Variants in PARD3 observed in about 807,000 individuals in gnomAD.
PARD3 encodes the protein par-3 family cell polarity regulator, also known as partitioning defective 3 homolog.
PARD3 carries 75 observed loss-of-function variants against 155.4 expected under a neutral mutation model. The observed-to-expected ratio is 0.48, with a 90% confidence interval of 0.40 to 0.58. The LOEUF (loss-of-function observed/expected upper bound fraction) is 0.58. PARD3 is among the 20% of genes least tolerant of loss of function. The pLI is 0.00. For missense variants in PARD3, 1,642 were observed against 1,721.7 expected (o/e 0.95, Z 0.82); for synonymous variants, 576 against 610.5 (o/e 0.94, Z 0.83).
chr10:34,210,279 G>A (rs1951680439), intron 22 of PARD3, among the ~76,000 whole-genome samples: 1 of 152,200 alleles, frequency 6.6e-6, no homozygotes, highest in Admixed American at 6.5e-5. Flanking sequence ...AATTGGAAGA[G>A]TATGAGGAAT....
chr10:34,399,375 C>T lies in PARD3; in HGVS notation c.845G>A (p.Gly282Glu). ...AGGCACTACGTGGATTCCCAGAGGCCCTCCATCGTTGGGGACTTCTACGAG... is the reference window on the plus strand; with the variant it reads ...AGGCACTACGTGGATTCCCAGAGGCTCTCCATCGTTGGGGACTTCTACGAG... ...VKLVEVPNDGGPLGIHVVPFS... is the reference protein window; with the variant it reads ...VKLVEVPNDGEPLGIHVVPFS... Residue 282 changes from glycine to glutamate, a missense_variant, in exon 7 of 25, where the codon GGG (glycine) becomes GAG (glutamate). Physicochemically the swap from Gly to Glu is moderately conservative, Grantham distance 98. Transcript: ENST00000374788. 6.2e-7 allele frequency: 1 copy of T among 1,612,192 alleles called. No individual in the cohort carries two copies. Among genetic ancestry groups the T allele is most frequent in the Non-Finnish European group, 8.5e-7 (1 of 1,178,354 alleles).
chr10:34,650,120 T>C (rs2092961122), intron 2 of PARD3, among the ~76,000 whole-genome samples: 2 of 152,230 alleles, frequency 1.3e-5, no homozygotes, highest in South Asian at 4.1e-4. Context: ...TAAAGAAGGA[T>C]GACTCTCTAA....
chr10:34,377,649 A>C (rs1380876242), intron 10 of PARD3, among the ~76,000 whole-genome samples: 1 of 151,822 alleles, frequency 6.6e-6, no homozygotes, highest in Non-Finnish European at 1.5e-5. Flanking sequence ...CATGGAAAAA[A>C]GAGCTGGGCA....
chr10:34,805,900 C>CT (rs930113030), intron 1 of PARD3, among the ~76,000 whole-genome samples: 5 of 151,890 alleles, frequency 3.3e-5, no homozygotes, highest in African/African-American at 1.2e-4. Context: ...TGGCGTGAAC[C>CT]TAGGAGGTGG....
In PARD3 at chr10:34,666,816, TAC is replaced by T. The variant is rs1554804682; in HGVS notation, c.222+29500_222+29501del. Among the ~76,000 whole-genome samples the T allele has an allele frequency of 1.8e-3, 158 of 88,786 alleles. 1 individual carries two copies. Among genetic ancestry groups the T allele is most frequent in the African/African-American group, 6.4e-3 (137 of 21,326 alleles). 58.2% of individuals were successfully genotyped at this position (88,786 alleles called of 152,430 possible). On this transcript the variant is annotated intron_variant, in intron 2 of 24. Coordinates refer to ENST00000374788, the MANE Select transcript of PARD3 (RefSeq NM_001184785.2). ...AAAAAAATATATATATATATATATA[TAC>T]ACACACACACACACACACAAACATA...
chr10:34,653,244 A>G (rs2093067831), intron 2 of PARD3, among the ~76,000 whole-genome samples: 1 of 152,144 alleles, frequency 6.6e-6, no homozygotes, highest in Non-Finnish European at 1.5e-5. Flanking sequence ...AGTAGAACCC[A>G]TTGAGGAAAA....
At chr10:34,506,938 G>A (rs532907679) in intron 3 of PARD3, among the ~76,000 whole-genome samples, 4 of 152,120 alleles carry the variant, frequency 2.6e-5, no homozygotes, top group South Asian at 4.1e-4. Context: ...CTGCACTGCC[G>A]CCGCCTGACA....
At chr10:34,314,966 C>A (rs1957921182) in intron 20 of PARD3, among the ~76,000 whole-genome samples, 1 of 152,068 alleles carries the variant, frequency 6.6e-6, no homozygotes, top group Non-Finnish European at 1.5e-5. Context: ...ATTCCACATA[C>A]CTAAAAAAGT....
chr10:34,384,284 C>A (rs370650694), intron 7 of PARD3, 30 bp from the exon 8 acceptor site: 1 of 1,601,138 alleles, frequency 6.2e-7, no homozygotes, highest in South Asian at 1.1e-5. Flanking sequence ...AATGATTACA[C>A]ATGTAATATC....
intron 2 of PARD3, among the ~76,000 whole-genome samples, chr10:34,589,472 C>T (rs1001547122): frequency 6.6e-6 from 1 of 152,012 alleles, no homozygotes; most frequent in African/African-American, 2.4e-5. Context: ...CAGACGCACA[C>T]AGCAGGAGAA....
At chr10:34,453,405 G>T (rs1029692118) in intron 4 of PARD3, among the ~76,000 whole-genome samples, 1 of 152,042 alleles carries the variant, frequency 6.6e-6, no homozygotes, top group African/African-American at 2.4e-5. Flanking sequence ...ATCTTACAGG[G>T]AAGCCTGGGC....
intron 2 of PARD3, among the ~76,000 whole-genome samples, chr10:34,603,895 C>T (rs1227222370): frequency 6.6e-6 from 1 of 152,124 alleles, no homozygotes; most frequent in Non-Finnish European, 1.5e-5. Flanking sequence ...GAAAACTGTC[C>T]GACACGCAGC....
At chr10:34,468,942 T>C (rs2133059652) in intron 4 of PARD3, among the ~76,000 whole-genome samples, 1 of 152,382 alleles carries the variant, frequency 6.6e-6, no homozygotes, top group African/African-American at 2.4e-5. Context: ...ATATATACTG[T>C]GCTAACTTAC....
chr10:34,697,055 C>CA (rs141474307), intron 1 of PARD3, among the ~76,000 whole-genome samples: 6,948 of 145,040 alleles, frequency 0.048, 237 homozygotes, highest in African/African-American at 0.1. Flanking sequence ...CACACACACA[C>CA]CCCCCTCAAA....
rs1291589736 is a variant in PARD3 at position 34,110,089 on chromosome 10, T to C, written c.*1080A>G. 6.6e-6 allele frequency: 1 copy of C among 152,190 alleles called. No individual in the cohort carries two copies. The highest frequency in any genetic ancestry group is 1.5e-5 in the Non-Finnish European group (1 of 68,070). The allele number at this position is 152,190 out of a possible 1,614,324, so 9.4% of individuals were successfully genotyped here. The stretch of plus-strand genomic sequence containing the variant: ...CCGAAAATGTTCTCTGTGTGATGTG[T>C]AACGGCTTTTCCTTTGTCTTTTATG... On this transcript the variant is annotated 3_prime_UTR_variant, in exon 25 of 25. Coordinates refer to ENST00000374788, the MANE Select transcript of PARD3 (RefSeq NM_001184785.2).
intron 1 of PARD3, among the ~76,000 whole-genome samples, chr10:34,728,025 CT>C (rs2094749971): frequency 6.6e-6 from 1 of 152,262 alleles, no homozygotes; most frequent in East Asian, 1.9e-4. Context: ...ATACAAGATC[CT>C]TGCAATGCAT....
chr10:34,347,959 A>C lies in PARD3; in HGVS notation c.2218+6T>G, dbSNP rs1281509744. On this transcript the variant is annotated splice_donor_region_variant and intron_variant, in intron 15 of 24. Coordinates refer to ENST00000374788, the MANE Select transcript of PARD3 (RefSeq NM_001184785.2). ...GATGTGATAAACAGAGTTTTACCTG[A>C]CTCACCCATTATCCTACTGAGGGCA... 2.5e-6 allele frequency: 4 copies of C among 1,606,734 alleles called. No individual in the cohort carries two copies. The highest frequency in any genetic ancestry group is 2.7e-5 in the African/African-American group (2 of 74,750).
At chr10:34,548,781 T>C (rs778890565) in intron 2 of PARD3, among the ~76,000 whole-genome samples, 1 of 151,658 alleles carries the variant, frequency 6.6e-6, no homozygotes, top group Non-Finnish European at 1.5e-5. Context: ...GGCTTTAGTT[T>C]TGCAAATACT....
At chr10:34,200,469 A>ATGAATCTGTGGCAGCAGATGGGG (rs1564476572) in intron 22 of PARD3, among the ~76,000 whole-genome samples, 1 of 151,756 alleles carries the variant, frequency 6.6e-6, no homozygotes, top group Admixed American at 6.6e-5. Flanking sequence ...AAGTCAGGAA[A>ATGAATCTGTGGCAGCAGATGGGG]TGAATCTGTG....
Sources: gnomAD v4.1 joint callset for allele counts (sites outside exome capture counted in the v4.1 genomes callset) on GRCh38, gnomAD v4.1.1 for gene constraint, MANE v1.5 for transcripts, NCBI Gene and HGNC (gene_info 2026-07-23, HGNC 2026-07-21) for gene names.